The following NDE1 variants were observed in gnomAD, a reference collection of about 807,000 sequenced individuals.
NDE1 encodes the protein nudE neurodevelopment protein 1, also known as nuclear distribution protein nudE homolog 1.
NDE1 carries 28 observed loss-of-function variants against 43.4 expected under a neutral mutation model. That is an observed-to-expected ratio of 0.65 (90% CI 0.48 to 0.89). NDE1 has a LOEUF of 0.89. Among genes scored for constraint, NDE1 ranks in the 40% least tolerant of loss-of-function variants. The pLI is 0.00. For synonymous variants in NDE1, 184 were observed against 172.0 expected, an observed-to-expected ratio of 1.07 and a Z score of -0.55; for missense variants, 441 against 434.1, an observed-to-expected ratio of 1.02 and a Z score of -0.14.
At chr16:15,699,634 C>G in intron 8 of NDE1, 1 of 1,272,482 alleles carries the variant, frequency 7.9e-7, no homozygotes, top group African/African-American at 1.5e-5. Context: ...CTGCTCCTGA[C>G]TCTTGATGTT....
chr16:15,656,622 C>A (rs1213234408), intron 1 of NDE1, among the ~76,000 whole-genome samples: 1 of 151,988 alleles, frequency 6.6e-6, no homozygotes, highest in African/African-American at 2.4e-5. Flanking sequence ...CTCACTGGAA[C>A]CTCCACCTCC....
In NDE1 at chr16:15,694,161, C is replaced by T; in HGVS notation, c.704-4C>T. 2 of 1,612,242 alleles carry T rather than the reference C, an allele frequency of 1.2e-6. No individual in the cohort carries two copies. Among genetic ancestry groups the T allele is most frequent in the Non-Finnish European group, 1.7e-6 (2 of 1,179,950 alleles). ...GTTACATGCTCTTCCCTTTGCACACCCAGGCCTGGACGACTCCACCGGGGG... is the reference window on the plus strand; with the variant it reads ...GTTACATGCTCTTCCCTTTGCACACTCAGGCCTGGACGACTCCACCGGGGG... On this transcript the variant is annotated splice_polypyrimidine_tract_variant and splice_region_variant and intron_variant, in intron 6 of 8. Transcript: ENST00000396354.
chr16:15,715,132 G>C, intron 8 of NDE1: 1 of 1,612,576 alleles, frequency 6.2e-7, no homozygotes, highest in Non-Finnish European at 8.5e-7. Flanking sequence ...TGGGGGCTGG[G>C]GGCTCGAGGG....
intron 8 of NDE1, among the ~76,000 whole-genome samples, chr16:15,699,446 T>C (rs1742264350): frequency 6.6e-6 from 1 of 152,106 alleles, no homozygotes; most frequent in South Asian, 2.1e-4. Context: ...GCATTTTTCA[T>C]AGAGACAGGG....
chr16:15,697,669 T>G (rs949837951), intron 8 of NDE1, among the ~76,000 whole-genome samples: 3 of 152,126 alleles, frequency 2.0e-5, no homozygotes, highest in African/African-American at 7.2e-5. Context: ...GCCAAAATTG[T>G]GCCTCTGCAC....
chr16:15,689,588 A>T (rs2038624847), intron 5 of NDE1, among the ~76,000 whole-genome samples: 1 of 152,204 alleles, frequency 6.6e-6, no homozygotes, highest in Non-Finnish European at 1.5e-5. Context: ...GCTTAATAAA[A>T]AATTTTCTTG....
rs1295006027 is a variant in NDE1, at chr16:15,724,201, A to G, written c.958A>G (p.Ser320Gly). The change falls in exon 9 of 9, where the codon AGT becomes GGT. Residue 320 changes from serine (S) to glycine (G), a missense_variant. By Grantham distance (56) the Ser-to-Gly change is moderately conservative (BLOSUM62 0). Transcript: ENST00000396354. Reference protein sequence around the residue: ...VPLGDKGLDTSCRWLSKSTTR... With the variant: ...VPLGDKGLDTGCRWLSKSTTR... ...CTGCTTCTTTTCCAGGTTGGACACG[A>G]GTTGCCGCTGGTTGTCCAAATCAAC... The G allele has an allele frequency of 6.2e-7, 1 of 1,614,068 alleles. No homozygotes were observed. Among genetic ancestry groups the G allele is most frequent in the East Asian group, 2.2e-5 (1 of 44,880 alleles).
Position 15,724,462 on chromosome 16 carries a change from G to C in NDE1, c.*211G>C, listed in dbSNP as rs1264117284. The C allele has an allele frequency of 6.2e-7, 1 of 1,610,596 alleles. No individual in the cohort carries two copies. The highest frequency in any genetic ancestry group is 1.3e-5 in the African/African-American group (1 of 74,976). ...GAGAGGGGGACCATGAGTGGCCCCT[G>C]TCCCTGGCCCCACAGACTCTGAGAA... On this transcript the variant is annotated 3_prime_UTR_variant, in exon 9 of 9. Coordinates refer to ENST00000396354, the MANE Select transcript of NDE1 (RefSeq NM_017668.3).
At chr16:15,699,788 C>T (rs774598662) in intron 8 of NDE1, 109 of 1,351,538 alleles carry the variant, frequency 8.1e-5, no homozygotes, top group South Asian at 3.3e-4. Context: ...TCGCCGCTGC[C>T]GTCAGCCCAG....
At chr16:15,667,626 T>TG (rs1567627939) in intron 3 of NDE1, among the ~76,000 whole-genome samples, 187 bp downstream of exon 3, 1 of 116,082 alleles carries the variant, frequency 8.6e-6, no homozygotes. Context: ...TGGTGCTTTT[T>TG]GTTTTGTTTT....
intron 1 of NDE1, among the ~76,000 whole-genome samples, chr16:15,664,180 C>T (rs914412363): frequency 6.6e-6 from 1 of 152,034 alleles, no homozygotes; most frequent in African/African-American, 2.4e-5. Flanking sequence ...ATCTTGGAGA[C>T]GTTTTATGTG....
At chr16:15,685,953 ATTTT>A (rs112767652) in intron 4 of NDE1, among the ~76,000 whole-genome samples, 2 of 138,366 alleles carry the variant, frequency 1.4e-5, no homozygotes, top group Non-Finnish European at 1.6e-5. Context: ...TTCCTGTAGG[ATTTT>A]TTTTTTTTTT....
chr16:15,700,712 G>A (rs1201330172), intron 8 of NDE1, among the ~76,000 whole-genome samples: 3 of 151,894 alleles, frequency 2.0e-5, no homozygotes, highest in South Asian at 2.1e-4. Flanking sequence ...CAGCCTCCCA[G>A]AGTGCTGGAA....
intron 4 of NDE1, 129 bp downstream of exon 4, chr16:15,678,078 C>G: frequency 8.1e-7 from 1 of 1,235,894 alleles, no homozygotes; most frequent in South Asian, 1.2e-5. Context: ...CAGTGCCCTT[C>G]TGGATTTTAG....
upstream of NDE1, among the ~76,000 whole-genome samples, chr16:15,648,821 A>G (rs907043769): frequency 6.6e-6 from 1 of 152,140 alleles, no homozygotes; most frequent in Admixed American, 6.5e-5. Flanking sequence ...AAAGAAAAAA[A>G]TTATTTTTTA....
intron 1 of NDE1, among the ~76,000 whole-genome samples, chr16:15,644,232 G>T (rs944519154): frequency 6.6e-6 from 1 of 152,184 alleles, no homozygotes; most frequent in Non-Finnish European, 1.5e-5. Flanking sequence ...CTTTGCAAAA[G>T]AATCAGTAAG....
Position 15,708,828 on chromosome 16 carries a change from G to T in NDE1, c.947+11968G>T, listed in dbSNP as rs765457680. On this transcript the variant is annotated intron_variant, in intron 8 of 8. Transcript: ENST00000396354. ...CTGGTGCATCACTGCGAAGTTTCCT[G>T]TGGGGGGGGCCCTCTGAAACAGAGA... 2.7e-5 allele frequency: 43 copies of T among 1,610,084 alleles called. No individual in the cohort carries two copies. The highest frequency in any genetic ancestry group is 3.6e-5 in the Non-Finnish European group (42 of 1,178,570).
At chr16:15,687,210 A>C (rs1441239382) in intron 4 of NDE1, 165 bp from the exon 5 acceptor site, 2 of 1,531,082 alleles carry the variant, frequency 1.3e-6, no homozygotes, top group Non-Finnish European at 1.8e-6. Flanking sequence ...TAAAGAGCCC[A>C]TGCCCCAGAA....
At chr16:15,721,409 C>G in intron 8 of NDE1, 1 of 1,614,090 alleles carries the variant, frequency 6.2e-7, no homozygotes, top group East Asian at 2.2e-5. Flanking sequence ...AAAAACCACC[C>G]AGAGCCACTT....
Sources: gnomAD v4.1 joint callset for allele counts (sites outside exome capture counted in the v4.1 genomes callset) on GRCh38, gnomAD v4.1.1 for gene constraint, MANE v1.5 for transcripts, NCBI Gene and HGNC (gene_info 2026-07-23, HGNC 2026-07-21) for gene names.